Variants in DGKB observed in about 807,000 individuals in gnomAD.
The protein encoded by DGKB is diacylglycerol kinase beta, also known as 90 kDa diacylglycerol kinase.
In DGKB, 67 loss-of-function variants were observed where a neutral mutation model predicts 114.3. The ratio of observed to expected loss-of-function variants is 0.59; its 90% CI spans 0.48 to 0.72. The LOEUF (loss-of-function observed/expected upper bound fraction) is 0.72, where lower values mean the gene tolerates loss of function less well. Ranked by LOEUF, DGKB falls within the 30% of genes least tolerant of loss-of-function variation. DGKB has a pLI of 0.00. For missense variants in DGKB, 907 were observed against 975.2 expected, an observed-to-expected ratio of 0.93 and a Z score of 0.93; for synonymous variants, 398 against 323.1, an observed-to-expected ratio of 1.23 and a Z score of -2.49.
intron 23 of DGKB, among the ~76,000 whole-genome samples, chr7:14,299,907 A>C (rs1244792488): frequency 6.6e-6 from 1 of 150,622 alleles, no homozygotes; most frequent in Non-Finnish European, 1.5e-5. Flanking sequence ...AAAGTAAAGC[A>C]AAACACAAAA....
chr7:14,681,356 G>A (rs1820795410), intron 12 of DGKB, among the ~76,000 whole-genome samples: 2 of 151,926 alleles, frequency 1.3e-5, no homozygotes. Context: ...TCATTTAAAG[G>A]AAAGTACTTA....
chr7:14,563,385 T>G (rs1219214118), intron 20 of DGKB, among the ~76,000 whole-genome samples: 1 of 152,132 alleles, frequency 6.6e-6, no homozygotes, highest in Non-Finnish European at 1.5e-5. Context: ...CCCTGTTTCT[T>G]GACAAAAAAC....
At chr7:14,672,821 C>A in intron 13 of DGKB, 108 bp downstream of exon 13, 1 of 610,452 alleles carries the variant, frequency 1.6e-6, no homozygotes. Flanking sequence ...GATCTATATA[C>A]TTCTACCTTG....
rs184239570 is a variant in DGKB, at chr7:14,841,213, T to C, written c.51A>G (p.Gln17=). The C allele has an allele frequency of 2.8e-4, 444 of 1,613,374 alleles. 5 individuals are homozygous for C. In the Admixed American group the frequency reaches 3.7e-3, roughly 13 times the overall value. The change falls in exon 2 of 26, where the codon CAA becomes CAG. Residue 17 remains glutamine (Q), a synonymous_variant. Transcript: ENST00000402815. ...WAHLSPSEFS[Q]LQKYAEYSTK... is the part of the protein sequence containing the mutation. The stretch of plus-strand genomic sequence containing the variant: ...ACTTACACTCAGCATATTTCTGAAG[T>C]TGGGAAAATTCCGAAGGGCTGAGGT...
intron 23 of DGKB, among the ~76,000 whole-genome samples, chr7:14,324,599 C>T (rs567032876): frequency 3.7e-4 from 56 of 152,000 alleles, no homozygotes; most frequent in Non-Finnish European, 6.8e-4. Context: ...ATGTCATTTG[C>T]GGTGATGGAA....
intron 12 of DGKB, among the ~76,000 whole-genome samples, chr7:14,681,440 T>G (rs924217194): frequency 6.6e-6 from 1 of 151,918 alleles, no homozygotes; most frequent in Non-Finnish European, 1.5e-5. Flanking sequence ...TGTGAGTGTG[T>G]GTGTATGTGT....
intron 20 of DGKB, among the ~76,000 whole-genome samples, chr7:14,549,591 T>C (rs753746682): frequency 6.6e-6 from 1 of 152,162 alleles, no homozygotes; most frequent in Non-Finnish European, 1.5e-5. Flanking sequence ...TTAAACTTTG[T>C]TGAGCGATAA....
intron 1 of DGKB, among the ~76,000 whole-genome samples, chr7:14,945,658 A>C (rs1049599750): frequency 6.6e-6 from 1 of 151,788 alleles, no homozygotes; most frequent in Admixed American, 6.6e-5. Flanking sequence ...ACATGCCACT[A>C]AACAGAGGCA....
At chr7:14,489,703 G>T (rs919134913) in intron 20 of DGKB, among the ~76,000 whole-genome samples, 12 of 152,168 alleles carry the variant, frequency 7.9e-5, no homozygotes, top group African/African-American at 2.9e-4. Context: ...GACCAAAGCG[G>T]TATGAGTGGT....
chr7:14,857,206 GTCTCTCTCTC>G (rs36093995), intron 1 of DGKB, among the ~76,000 whole-genome samples: 3 of 146,478 alleles, frequency 2.0e-5, no homozygotes, highest in Admixed American at 1.4e-4. Flanking sequence ...CTCTCTCTCT[GTCTCTCTCTC>G]TCTCTCTCTC....
intron 25 of DGKB, among the ~76,000 whole-genome samples, chr7:14,164,903 A>G (rs951592752): frequency 7.2e-5 from 11 of 152,176 alleles, no homozygotes; most frequent in Non-Finnish European, 1.6e-4. Context: ...GATATATGGT[A>G]ATTTTCAACA....
intron 1 of DGKB, among the ~76,000 whole-genome samples, chr7:14,896,255 T>C (rs910024282): frequency 4.6e-5 from 7 of 151,742 alleles, no homozygotes; most frequent in Non-Finnish European, 8.9e-5. Flanking sequence ...GAAAGACCTT[T>C]CCTCATCATT....
At chr7:14,461,843 G>GA (rs1422959319) in intron 21 of DGKB, among the ~76,000 whole-genome samples, 4 of 152,142 alleles carry the variant, frequency 2.6e-5, no homozygotes, top group Non-Finnish European at 2.9e-5. Context: ...GAACACTGAT[G>GA]AAAAAATCCT....
chr7:14,192,223 C>A (rs2128275151), intron 23 of DGKB: 1 of 214,630 alleles, frequency 4.7e-6, no homozygotes, highest in East Asian at 1.3e-4. Flanking sequence ...ACTCTAAAGA[C>A]TCCACCAAAA....
At chr7:14,655,774 C>G (rs1176951705) in intron 13 of DGKB, among the ~76,000 whole-genome samples, 1 of 151,424 alleles carries the variant, frequency 6.6e-6, no homozygotes, top group Non-Finnish European at 1.5e-5. Flanking sequence ...TTAAATTAGT[C>G]AAGCACAGAA....
chr7:14,516,824 T>A (rs1788870161), intron 20 of DGKB, among the ~76,000 whole-genome samples: 1 of 152,044 alleles, frequency 6.6e-6, no homozygotes, highest in Non-Finnish European at 1.5e-5. Flanking sequence ...AAATCAGAGA[T>A]AACACATCCA....
chr7:14,343,469 GT>G (rs1811963202), intron 22 of DGKB, among the ~76,000 whole-genome samples: 1 of 151,472 alleles, frequency 6.6e-6, no homozygotes, highest in African/African-American at 2.4e-5. Context: ...ACAAATCACC[GT>G]TTTCAAATAT....
chr7:14,707,031 G>C (rs1326176979), intron 6 of DGKB, among the ~76,000 whole-genome samples: 2 of 150,696 alleles, frequency 1.3e-5, no homozygotes, highest in African/African-American at 2.5e-5. Context: ...TCCAGGAGCT[G>C]GTTTTTTGAA....
chr7:14,852,487 C>CAAAAAAAAAAAATACAAAACA, intron 1 of DGKB, among the ~76,000 whole-genome samples: 3 of 63,636 alleles, frequency 4.7e-5, no homozygotes, highest in African/African-American at 6.7e-5. Context: ...TAGTGAAAGT[C>CAAAAAAAAAAAATACAAAACA]AAAAAAAAAA....
Sources: allele counts gnomAD v4.1 joint callset (sites outside exome capture counted in the v4.1 genomes callset), GRCh38; gene constraint gnomAD v4.1.1; transcripts MANE v1.5; gene names NCBI Gene and HGNC (gene_info 2026-07-23, HGNC 2026-07-21).